SPOCK1: variants seen among roughly 807,000 people sequenced by gnomAD.
SPOCK1 encodes the protein SPARC (osteonectin), cwcv and kazal like domains proteoglycan 1, also known as testican-1.
SPOCK1 carries 23 observed loss-of-function variants against 55.3 expected under a neutral mutation model. That is an observed-to-expected ratio of 0.42 (90% CI 0.30 to 0.59). The LOEUF is 0.59. Among genes scored for constraint, SPOCK1 ranks in the 20% least tolerant of loss-of-function variants. The pLI, the probability that SPOCK1 is intolerant of heterozygous loss-of-function variation, is 0.22. For synonymous variants in SPOCK1, 226 were observed against 221.0 expected, an observed-to-expected ratio of 1.02 and a Z score of -0.20; for missense variants, 499 against 552.5, an observed-to-expected ratio of 0.90 and a Z score of 0.97.
Position 137,249,009 on chromosome 5 carries a change from C to T in SPOCK1, c.232+18001G>A, listed in dbSNP as rs138311845. Reference sequence around the variant, plus strand: ...CTGGAGCCCAAAACCTTAGTGTCACCGTGTATTAATTCTCTACAAACTATT... The same window carrying T: ...CTGGAGCCCAAAACCTTAGTGTCACTGTGTATTAATTCTCTACAAACTATT... On this transcript the variant is annotated intron_variant, in intron 3 of 10. Coordinates refer to ENST00000394945, the MANE Select transcript of SPOCK1 (RefSeq NM_004598.4). Among the ~76,000 whole-genome samples, 15 of 152,256 alleles carry T rather than the reference C, an allele frequency of 9.9e-5. No homozygotes were observed. The East Asian group carries it at 1.2e-3, about 12-fold the overall frequency.
At chr5:137,085,053 G>A (rs1656021801) in intron 5 of SPOCK1, among the ~76,000 whole-genome samples, 1 of 150,654 alleles carries the variant, frequency 6.6e-6, no homozygotes, top group African/African-American at 2.4e-5. Flanking sequence ...AAAGAAAAAT[G>A]TCCCATGTAT....
chr5:137,463,823 C>G (rs1224402006), intron 2 of SPOCK1, among the ~76,000 whole-genome samples: 1 of 152,090 alleles, frequency 6.6e-6, no homozygotes, highest in East Asian at 1.9e-4. Flanking sequence ...TGGCGTGCAC[C>G]TGTAGTCCCA....
intron 3 of SPOCK1, among the ~76,000 whole-genome samples, chr5:137,219,623 C>T (rs1221510865): frequency 3.9e-5 from 6 of 152,148 alleles, no homozygotes; most frequent in African/African-American, 1.2e-4. Flanking sequence ...GAAAGTATAC[C>T]TTATTGCCAG....
chr5:137,221,356 G>GA (rs1447219147), intron 3 of SPOCK1, among the ~76,000 whole-genome samples: 1 of 152,170 alleles, frequency 6.6e-6, no homozygotes, highest in Non-Finnish European at 1.5e-5. Context: ...AGCACTCGAA[G>GA]AGACAGCACT....
At chr5:137,266,925 G>T in intron 3 of SPOCK1, 85 bp downstream of exon 3, 1 of 1,212,220 alleles carries the variant, frequency 8.2e-7, no homozygotes, top group Non-Finnish European at 1.2e-6. Context: ...TGGCCCTTGT[G>T]GGAACATTAA....
At chr5:137,131,345 C>T (rs1753871497) in intron 4 of SPOCK1, among the ~76,000 whole-genome samples, 2 of 152,234 alleles carry the variant, frequency 1.3e-5, no homozygotes, top group African/African-American at 4.8e-5. Flanking sequence ...CGTGGCGGCT[C>T]ACGCCTGTAA....
At chr5:137,031,971 GTATA>G (rs1000426380) in intron 6 of SPOCK1, among the ~76,000 whole-genome samples, 34 of 148,106 alleles carry the variant, frequency 2.3e-4, no homozygotes, top group African/African-American at 8.2e-4. Context: ...GCATGTGTGT[GTATA>G]TATACACACA....
intron 6 of SPOCK1, among the ~76,000 whole-genome samples, chr5:137,000,279 T>A (rs1751124699): frequency 6.6e-6 from 1 of 152,126 alleles, no homozygotes; most frequent in African/African-American, 2.4e-5. Context: ...GTGTTTGCAA[T>A]TAGTAGCTCC....
chr5:137,430,637 T>C (rs1261932740), intron 2 of SPOCK1, among the ~76,000 whole-genome samples: 1 of 152,246 alleles, frequency 6.6e-6, no homozygotes, highest in Non-Finnish European at 1.5e-5. Flanking sequence ...ATTATCTTTG[T>C]ATATGTCTTC....
At chr5:137,187,360 T>C (rs534513864) in intron 3 of SPOCK1, among the ~76,000 whole-genome samples, 1 of 152,316 alleles carries the variant, frequency 6.6e-6, no homozygotes, top group African/African-American at 2.4e-5. Flanking sequence ...TCATGTCTTC[T>C]TTCTACATTC....
chr5:137,465,206 C>T (rs1753595356), intron 2 of SPOCK1, among the ~76,000 whole-genome samples: 2 of 152,136 alleles, frequency 1.3e-5, no homozygotes, highest in South Asian at 4.1e-4. Flanking sequence ...ACACATTTCT[C>T]CAAATTTAGG....
intron 2 of SPOCK1, among the ~76,000 whole-genome samples, chr5:137,473,784 C>A (rs910194577): frequency 6.6e-6 from 1 of 152,092 alleles, no homozygotes; most frequent in Non-Finnish European, 1.5e-5. Flanking sequence ...CTACAGCACC[C>A]GAATTATTTT....
intron 6 of SPOCK1, among the ~76,000 whole-genome samples, chr5:137,017,259 GTC>G (rs1751463665): frequency 6.6e-6 from 1 of 152,068 alleles, no homozygotes; most frequent in African/African-American, 2.4e-5. Context: ...TTACATTTCT[GTC>G]TCTCTTATGG....
At chr5:137,409,704 A>G (rs569181364) in intron 2 of SPOCK1, among the ~76,000 whole-genome samples, 6 of 152,352 alleles carry the variant, frequency 3.9e-5, no homozygotes, top group African/African-American at 1.4e-4. Context: ...TTGTGCCCAC[A>G]ATGATTGGGT....
At chr5:137,174,531 G>C (rs1355947207) in intron 3 of SPOCK1, among the ~76,000 whole-genome samples, 2 of 152,196 alleles carry the variant, frequency 1.3e-5, no homozygotes, top group African/African-American at 2.4e-5. Flanking sequence ...TTTGCAGTCA[G>C]CGGTCCTGAC....
At chr5:137,073,928 C>T (rs1752672551) in intron 5 of SPOCK1, among the ~76,000 whole-genome samples, 1 of 152,174 alleles carries the variant, frequency 6.6e-6, no homozygotes, top group South Asian at 2.1e-4. Context: ...CACCCCTTAA[C>T]AAAGGGACCA....
intron 6 of SPOCK1, among the ~76,000 whole-genome samples, chr5:137,067,291 A>C (rs1031778201): frequency 2.0e-5 from 3 of 152,122 alleles, no homozygotes; most frequent in South Asian, 4.1e-4. Flanking sequence ...TTAATAAAGA[A>C]ATACTTTAGG....
At chr5:137,485,419 G>C (rs1336446067) in intron 2 of SPOCK1, among the ~76,000 whole-genome samples, 1 of 152,210 alleles carries the variant, frequency 6.6e-6, no homozygotes, top group African/African-American at 2.4e-5. Context: ...TTCTCAATCA[G>C]TGAATCAAAA....
At chr5:137,215,473 T>C (rs1384342652) in intron 3 of SPOCK1, among the ~76,000 whole-genome samples, 2 of 152,182 alleles carry the variant, frequency 1.3e-5, no homozygotes, top group Non-Finnish European at 2.9e-5. Context: ...TCGTCTTCAA[T>C]GAGAATTAGA....
Sources: allele counts gnomAD v4.1 joint callset (sites outside exome capture counted in the v4.1 genomes callset), GRCh38; gene constraint gnomAD v4.1.1; transcripts MANE v1.5; gene names NCBI Gene and HGNC (gene_info 2026-07-23, HGNC 2026-07-21).